The following TRHDE variants were observed in gnomAD, a reference collection of about 807,000 sequenced individuals.
The protein encoded by TRHDE is thyrotropin-releasing hormone-degrading ectoenzyme.
Under a neutral mutation model 125.7 loss-of-function variants are expected in TRHDE, and 72 were observed. The ratio of observed to expected loss-of-function variants is 0.57; its 90% CI spans 0.47 to 0.70. The LOEUF (loss-of-function observed/expected upper bound fraction) is 0.70, where lower values mean the gene tolerates loss of function less well. TRHDE is among the 30% of genes least tolerant of loss of function. The pLI, the probability that TRHDE is intolerant of heterozygous loss-of-function variation, is 0.00. For synonymous variants in TRHDE, 509 were observed against 509.1 expected (o/e 1.00, Z 0.00); for missense variants, 1,110 against 1,327.1 (o/e 0.84, Z 2.54).
chr12:72,437,362 C>T (rs1028790309), intron 3 of TRHDE, among the ~76,000 whole-genome samples: 25 of 151,720 alleles, frequency 1.6e-4, no homozygotes, highest in African/African-American at 5.8e-4. Context: ...CCCATTTCTC[C>T]GTTGTATTTC....
At chr12:72,328,838 TA>T (rs1869456266) in intron 2 of TRHDE, among the ~76,000 whole-genome samples, 1 of 152,210 alleles carries the variant, frequency 6.6e-6, no homozygotes, top group Non-Finnish European at 1.5e-5. Flanking sequence ...CCTTTTTGAG[TA>T]AATATTTCAT....
At chr12:72,383,058 A>G (rs940289312) in intron 3 of TRHDE, among the ~76,000 whole-genome samples, 1 of 152,154 alleles carries the variant, frequency 6.6e-6, no homozygotes, top group African/African-American at 2.4e-5. Context: ...GCTGTGTGAA[A>G]ATTTGTTTTT....
At chr12:72,144,111 A>G (rs1240496433) in intron 2 of TRHDE, among the ~76,000 whole-genome samples, 1 of 152,204 alleles carries the variant, frequency 6.6e-6, no homozygotes, top group African/African-American at 2.4e-5. Context: ...TCATGCCTCA[A>G]AGATGAGTTT....
intron 2 of TRHDE, among the ~76,000 whole-genome samples, chr12:72,335,988 T>A (rs1399923776): frequency 1.3e-5 from 2 of 152,174 alleles, no homozygotes; most frequent in African/African-American, 4.8e-5. Flanking sequence ...TTTAAGATGA[T>A]TTTTGTTAGA....
At chr12:72,252,355 C>T (rs1400946498) in intron 2 of TRHDE, among the ~76,000 whole-genome samples, 1 of 152,072 alleles carries the variant, frequency 6.6e-6, no homozygotes, top group Non-Finnish European at 1.5e-5. Flanking sequence ...TATGGGTGCT[C>T]ACTGCTTCAG....
chr12:72,129,217 T>TA (rs1160479318), intron 2 of TRHDE, among the ~76,000 whole-genome samples: 1 of 152,134 alleles, frequency 6.6e-6, no homozygotes, highest in Admixed American at 6.6e-5. Context: ...ATCTGAAAGC[T>TA]AAAAAAATTT....
At chr12:72,194,677 G>C (rs1313436628) in intron 2 of TRHDE, among the ~76,000 whole-genome samples, 1 of 152,080 alleles carries the variant, frequency 6.6e-6, no homozygotes. Flanking sequence ...ATAGCCTCCA[G>C]CTGAATCCAC....
intron 2 of TRHDE, among the ~76,000 whole-genome samples, chr12:72,167,982 G>A (rs1307006622): frequency 6.6e-6 from 1 of 152,150 alleles, no homozygotes; most frequent in Non-Finnish European, 1.5e-5. Context: ...ATATTGGTGG[G>A]CATAATTGAT....
chr12:72,472,427 T>A lies in TRHDE; in HGVS notation c.1471-640T>A, dbSNP rs138250174. On this transcript the variant is annotated intron_variant, in intron 4 of 18. Transcript: ENST00000261180. ...TTACATTATTTTTCATGAAGGCATC[T>A]TAGAGAATTTTTTTTGGTTTAAATC... Among the ~76,000 whole-genome samples the A allele has an allele frequency of 3.0e-3, 453 of 152,350 alleles. 1 individual carries two copies. The highest frequency in any genetic ancestry group is 9.9e-3 in the African/African-American group (411 of 41,588).
chr12:72,348,754 A>G (rs560226711), intron 2 of TRHDE, among the ~76,000 whole-genome samples: 268 of 152,220 alleles, frequency 1.8e-3, no homozygotes, highest in Non-Finnish European at 2.1e-3. Context: ...TGAGACCTAC[A>G]TACCCAGAAA....
chr12:72,271,112 T>C (rs185306347), upstream of TRHDE, among the ~76,000 whole-genome samples: 200 of 152,350 alleles, frequency 1.3e-3, no homozygotes, highest in African/African-American at 4.6e-3. Flanking sequence ...ACATTGTGTG[T>C]TAATCGTTTC....
chr12:72,544,419 A>G (rs942890192), intron 7 of TRHDE, among the ~76,000 whole-genome samples: 1 of 151,372 alleles, frequency 6.6e-6, no homozygotes. Flanking sequence ...CTGCTGGAAA[A>G]CCTATGAATT....
At chr12:72,120,612 T>C (rs533468072) in intron 2 of TRHDE, among the ~76,000 whole-genome samples, 1 of 152,062 alleles carries the variant, frequency 6.6e-6, no homozygotes, top group East Asian at 1.9e-4. Flanking sequence ...ACAAACCAAC[T>C]AGCAAGCAAA....
chr12:72,184,821 T>G (rs1877167984), intron 2 of TRHDE, among the ~76,000 whole-genome samples: 1 of 152,214 alleles, frequency 6.6e-6, no homozygotes, highest in South Asian at 2.1e-4. Context: ...CAGTCTGCCC[T>G]CCAGCAGTTG....
At chr12:72,196,339 A>G (rs931525265) in intron 2 of TRHDE, among the ~76,000 whole-genome samples, 1 of 152,066 alleles carries the variant, frequency 6.6e-6, no homozygotes, top group Non-Finnish European at 1.5e-5. Context: ...ACAATATTGA[A>G]TCTTCCAATC....
chr12:72,620,193 G>A (rs371940024), intron 13 of TRHDE, among the ~76,000 whole-genome samples: 16 of 151,872 alleles, frequency 1.1e-4, no homozygotes, highest in Middle Eastern at 3.4e-3. Flanking sequence ...TTAGAATAGC[G>A]TATCATGTCA....
At chr12:72,519,306 T>A (rs570903586) in intron 6 of TRHDE, among the ~76,000 whole-genome samples, 2 of 152,340 alleles carry the variant, frequency 1.3e-5, no homozygotes, top group Admixed American at 1.3e-4. Flanking sequence ...TTTGGTCTTT[T>A]CACATAGTCC....
intron 3 of TRHDE, 88 bp downstream of exon 3, chr12:72,378,209 T>C (rs1202914716): frequency 1.5e-5 from 19 of 1,226,836 alleles, no homozygotes; most frequent in Admixed American, 8.3e-5. Flanking sequence ...TCCAGAAGCA[T>C]GAAAATTCTG....
intron 3 of TRHDE, among the ~76,000 whole-genome samples, chr12:72,389,299 G>A (rs1428393168): frequency 1.3e-5 from 2 of 152,132 alleles, no homozygotes; most frequent in Admixed American, 6.5e-5. Context: ...AAGGAGATCA[G>A]TGTCCCTGGA....
Sources: gnomAD v4.1 joint callset for allele counts (sites outside exome capture counted in the v4.1 genomes callset) on GRCh38, gnomAD v4.1.1 for gene constraint, MANE v1.5 for transcripts, NCBI Gene and HGNC (gene_info 2026-07-23, HGNC 2026-07-21) for gene names.